The following VSNL1 variants were observed in gnomAD, a reference collection of about 807,000 sequenced individuals.
VSNL1 encodes visinin like 1.
A neutral mutation model predicts 20.4 loss-of-function variants in VSNL1; 6 were observed. The ratio of observed to expected loss-of-function variants is 0.29; its 90% CI spans 0.16 to 0.58. The LOEUF is 0.58. VSNL1 is among the 20% of genes least tolerant of loss of function. VSNL1 has a pLI of 0.90. For missense variants in VSNL1, 100 were observed against 234.5 expected, an observed-to-expected ratio of 0.43 and a Z score of 3.75; for synonymous variants, 93 against 86.4, an observed-to-expected ratio of 1.08 and a Z score of -0.42.
intron 2 of VSNL1, among the ~76,000 whole-genome samples, chr2:17,594,462 A>T (rs1377480484): frequency 1.3e-5 from 2 of 152,214 alleles, no homozygotes; most frequent in Non-Finnish European, 2.9e-5. Flanking sequence ...AGAAGCCTGG[A>T]AAAAGATGTG....
At chr2:17,575,525 CT>C (rs944110696) in intron 1 of VSNL1, among the ~76,000 whole-genome samples, 1 of 151,334 alleles carries the variant, frequency 6.6e-6, no homozygotes. Flanking sequence ...TCACAAATAT[CT>C]TTTTTTTTAT....
chr2:17,653,135 C>A (rs754581893), intron 3 of VSNL1, among the ~76,000 whole-genome samples: 7 of 152,162 alleles, frequency 4.6e-5, no homozygotes, highest in Non-Finnish European at 1.0e-4. Context: ...CACGGAGTTC[C>A]GAGTCTGGCA....
intron 1 of VSNL1, among the ~76,000 whole-genome samples, chr2:17,578,188 C>T (rs757361019): frequency 6.6e-5 from 10 of 152,178 alleles, no homozygotes; most frequent in African/African-American, 1.2e-4. Context: ...AATTTCCCTT[C>T]CCAGCTAGTA....
intron 2 of VSNL1, among the ~76,000 whole-genome samples, chr2:17,626,238 C>T (rs997649833): frequency 6.6e-6 from 1 of 152,182 alleles, no homozygotes; most frequent in South Asian, 2.1e-4. Flanking sequence ...CTCTGCAGCA[C>T]CCCTAAGTAT....
intron 1 of VSNL1, among the ~76,000 whole-genome samples, chr2:17,547,386 T>C (rs1663427460): frequency 6.6e-6 from 1 of 152,078 alleles, no homozygotes; most frequent in Non-Finnish European, 1.5e-5. Context: ...ACCACTTTGG[T>C]CACTGAGTTG....
chr2:17,622,621 A>G (rs1301625345), intron 2 of VSNL1, among the ~76,000 whole-genome samples: 3 of 151,972 alleles, frequency 2.0e-5, no homozygotes, highest in Non-Finnish European at 2.9e-5. Context: ...AAGATCTTCA[A>G]TGAATCCTAG....
At chr2:17,625,582 A>T (rs1024045560) in intron 2 of VSNL1, among the ~76,000 whole-genome samples, 11 of 152,150 alleles carry the variant, frequency 7.2e-5, no homozygotes, top group Admixed American at 2.0e-4. Flanking sequence ...TACTCATTTT[A>T]AAAAATTCCA....
At chr2:17,598,739 G>T (rs1355589548) in intron 2 of VSNL1, among the ~76,000 whole-genome samples, 2 of 152,312 alleles carry the variant, frequency 1.3e-5, no homozygotes, top group Non-Finnish European at 2.9e-5. Flanking sequence ...GTCACTAAAA[G>T]TGTTTCTAAC....
chr2:17,620,380 C>T lies in VSNL1; in HGVS notation c.162+28144C>T, dbSNP rs577156337. Among the ~76,000 whole-genome samples, 4 of 152,274 alleles carry T rather than the reference C, an allele frequency of 2.6e-5. No individual in the cohort carries two copies. The East Asian group carries it at 5.8e-4, about 22-fold the overall frequency. On this transcript the variant is annotated intron_variant, in intron 2 of 3. Transcript: ENST00000295156. Reference sequence around the variant, plus strand: ...CAGTCTGGACAAGGGATTGGCAAAGCGAGAAGGGCAGGCTAGAGGCAGAAA... The same window carrying T: ...CAGTCTGGACAAGGGATTGGCAAAGTGAGAAGGGCAGGCTAGAGGCAGAAA...
intron 2 of VSNL1, among the ~76,000 whole-genome samples, chr2:17,616,763 G>A (rs1665225894): frequency 6.6e-6 from 1 of 152,212 alleles, no homozygotes; most frequent in Non-Finnish European, 1.5e-5. Flanking sequence ...AGTCCCTCCT[G>A]CCCAGTGGCA....
At chr2:17,557,925 G>A (rs1244363555) in intron 1 of VSNL1, among the ~76,000 whole-genome samples, 2 of 151,560 alleles carry the variant, frequency 1.3e-5, no homozygotes, top group Non-Finnish European at 2.9e-5. Flanking sequence ...CATTAGATAC[G>A]CCCAAGTGCT....
intron 2 of VSNL1, among the ~76,000 whole-genome samples, chr2:17,626,066 G>A (rs1216409837): frequency 1.3e-5 from 2 of 151,958 alleles, no homozygotes; most frequent in East Asian, 1.9e-4. Flanking sequence ...TGATCCGCCC[G>A]CCTCAGCTTC....
chr2:17,594,394 A>T (rs573189771), intron 2 of VSNL1, among the ~76,000 whole-genome samples: 7 of 152,226 alleles, frequency 4.6e-5, no homozygotes, highest in Non-Finnish European at 8.8e-5. Flanking sequence ...AAAAAACCGC[A>T]GCAGAAATAT....
At chr2:17,648,420 A>C (rs967318787) in intron 2 of VSNL1, among the ~76,000 whole-genome samples, 2 of 152,218 alleles carry the variant, frequency 1.3e-5, no homozygotes, top group Non-Finnish European at 2.9e-5. Flanking sequence ...TGGTCCACTT[A>C]GCAGGTGCAA....
Position 17,631,337 on chromosome 2 carries a change from G to GA in VSNL1, c.163-18064dup, listed in dbSNP as rs572503063. 3.8e-4 allele frequency among the ~76,000 whole-genome samples: 55 copies of GA among 144,150 alleles called. 3 individuals are homozygous for GA. In the South Asian group the frequency reaches 0.012, roughly 32 times the overall value. The allele number at this position is 144,150 out of a possible 152,430, so 94.6% of individuals were successfully genotyped here. A position where few individuals can be genotyped will look rare whatever the true frequency, so the allele number is the denominator to read the frequency against. On this transcript the variant is annotated intron_variant, in intron 2 of 3. Coordinates refer to ENST00000295156, the MANE Select transcript of VSNL1 (RefSeq NM_003385.5). ...TATAAAAATCTAAACTTTTGCACAG[G>GA]AAAAAAAAAGCAACTTGTATATGAT...
intron 1 of VSNL1, among the ~76,000 whole-genome samples, chr2:17,572,685 A>T (rs1321125072): frequency 6.6e-6 from 1 of 152,154 alleles, no homozygotes; most frequent in East Asian, 1.9e-4. Context: ...CTGGGATTTA[A>T]ATCTAACTCT....
At chr2:17,642,540 C>G (rs1168988785) in intron 2 of VSNL1, among the ~76,000 whole-genome samples, 2 of 152,046 alleles carry the variant, frequency 1.3e-5, no homozygotes, top group Non-Finnish European at 2.9e-5. Context: ...GATCTCTTGA[C>G]CTTGTGATCT....
At chr2:17,552,069 G>A (rs922237387) in intron 1 of VSNL1, among the ~76,000 whole-genome samples, 5 of 151,620 alleles carry the variant, frequency 3.3e-5, no homozygotes, top group African/African-American at 9.7e-5. Context: ...GCGTGGTGGC[G>A]GGTGCCTGTA....
chr2:17,648,911 G>C (rs911637270), intron 2 of VSNL1, among the ~76,000 whole-genome samples: 2 of 152,220 alleles, frequency 1.3e-5, no homozygotes, highest in Non-Finnish European at 2.9e-5. Context: ...ACCTCACCCA[G>C]GGAGGGGATA....
Sources: gnomAD v4.1 joint callset for allele counts (sites outside exome capture counted in the v4.1 genomes callset) on GRCh38, gnomAD v4.1.1 for gene constraint, MANE v1.5 for transcripts, NCBI Gene and HGNC (gene_info 2026-07-23, HGNC 2026-07-21) for gene names.